Variants in MORC1 observed in about 807,000 individuals in gnomAD.
MORC1 encodes the protein MORC family CW-type zinc finger 1, also known as MORC family CW-type zinc finger protein 1.
In MORC1, 59 loss-of-function variants were observed where a neutral mutation model predicts 134.9. The ratio of observed to expected loss-of-function variants is 0.44; its 90% CI spans 0.35 to 0.54. The LOEUF is 0.54. Ranked by LOEUF, MORC1 falls within the 20% of genes least tolerant of loss-of-function variation. MORC1 has a pLI of 0.00. For missense variants in MORC1, 947 were observed against 1,134.5 expected (o/e 0.83, Z 2.37); for synonymous variants, 395 against 391.7 (o/e 1.01, Z -0.10).
At chr3:109,084,065 G>T (rs1950571986) in intron 8 of MORC1, among the ~76,000 whole-genome samples, 2 of 152,090 alleles carry the variant, frequency 1.3e-5, no homozygotes, top group South Asian at 4.1e-4. Context: ...ACTGAATGAG[G>T]AGAAATTGAA....
At chr3:109,020,702 T>C (rs1399223355) in intron 17 of MORC1, among the ~76,000 whole-genome samples, 1 of 147,816 alleles carries the variant, frequency 6.8e-6, no homozygotes, top group East Asian at 2.0e-4. Flanking sequence ...GGGGCAGAGC[T>C]TGCAGTGAGC....
intron 6 of MORC1, among the ~76,000 whole-genome samples, chr3:109,096,185 A>C (rs977919881): frequency 2.0e-5 from 3 of 152,242 alleles, no homozygotes; most frequent in African/African-American, 7.2e-5. Context: ...TTGGAAATTA[A>C]GAATATGATT....
At chr3:109,110,611 G>C in intron 3 of MORC1, 138 bp downstream of exon 3, 1 of 695,576 alleles carries the variant, frequency 1.4e-6, no homozygotes, top group Non-Finnish European at 2.4e-6. Context: ...CTCCCCACAG[G>C]GTCACTGTAC....
intron 8 of MORC1, among the ~76,000 whole-genome samples, chr3:109,079,606 C>T (rs1950488264): frequency 6.6e-6 from 1 of 151,768 alleles, no homozygotes; most frequent in Admixed American, 6.6e-5. Context: ...AAAAACAAAG[C>T]AAAGAAGCAT....
chr3:109,001,940 G>A (rs1948414410), intron 20 of MORC1, among the ~76,000 whole-genome samples: 1 of 152,142 alleles, frequency 6.6e-6, no homozygotes, highest in Non-Finnish European at 1.5e-5. Context: ...TTCAATTAAT[G>A]GAATCACCAT....
At chr3:108,972,295 T>C (rs1334130032) in intron 24 of MORC1, among the ~76,000 whole-genome samples, 2 of 152,196 alleles carry the variant, frequency 1.3e-5, no homozygotes, top group African/African-American at 4.8e-5. Flanking sequence ...TATAGTATTC[T>C]AATGCTGACG....
At chr3:108,993,364 A>T (rs918285725) in intron 21 of MORC1, among the ~76,000 whole-genome samples, 3 of 152,336 alleles carry the variant, frequency 2.0e-5, no homozygotes, top group Non-Finnish European at 4.4e-5. Context: ...GTTTTTCCTT[A>T]GATCAGGGAC....
chr3:109,032,575 A>C, intron 16 of MORC1, 145 bp downstream of exon 16: 1 of 589,958 alleles, frequency 1.7e-6, no homozygotes, highest in South Asian at 2.4e-5. Flanking sequence ...ATCTTTGCAC[A>C]GGTAGCAGGG....
chr3:109,116,931 G>A (rs1242967619), intron 1 of MORC1, among the ~76,000 whole-genome samples: 1 of 152,148 alleles, frequency 6.6e-6, no homozygotes, highest in Non-Finnish European at 1.5e-5. Context: ...GGTGGTTTGG[G>A]GGAATGGAGG....
At chr3:109,066,683 A>G (rs1263472228) in intron 9 of MORC1, among the ~76,000 whole-genome samples, 1 of 152,222 alleles carries the variant, frequency 6.6e-6, no homozygotes, top group Admixed American at 6.5e-5. Context: ...ACGCATTTGT[A>G]TAATAACAAC....
At chr3:109,016,029 A>G (rs995332221) in intron 17 of MORC1, among the ~76,000 whole-genome samples, 3 of 152,168 alleles carry the variant, frequency 2.0e-5, no homozygotes, top group Non-Finnish European at 2.9e-5. Context: ...TATACACCTC[A>G]TACACACAGT....
At chr3:109,105,952 C>T (rs533552316) in intron 3 of MORC1, among the ~76,000 whole-genome samples, 6 of 152,278 alleles carry the variant, frequency 3.9e-5, no homozygotes, top group African/African-American at 1.4e-4. Flanking sequence ...CATTCCTCCT[C>T]TCCCCCTTTA....
chr3:109,037,731 T>C (rs1325855557), intron 14 of MORC1, among the ~76,000 whole-genome samples: 1 of 152,240 alleles, frequency 6.6e-6, no homozygotes, highest in African/African-American at 2.4e-5. Flanking sequence ...CTCAGAATGA[T>C]AGTTTCTGGC....
chr3:109,103,231 C>A (rs920694605), intron 4 of MORC1, among the ~76,000 whole-genome samples: 2 of 152,104 alleles, frequency 1.3e-5, no homozygotes, highest in African/African-American at 4.8e-5. Flanking sequence ...AACCCAATGC[C>A]CTCAGATGGA....
Position 109,005,105 on chromosome 3 carries a change from G to A in MORC1, c.1978C>T (p.Leu660=). The A allele has an allele frequency of 6.2e-7, 1 of 1,612,354 alleles. No individual in the cohort carries two copies. The highest frequency in any genetic ancestry group is 1.1e-5 in the South Asian group (1 of 90,458). ...TCAGCTAGTTTGACATTTTCTGGCAGAGCTACTGGAATTCTCTGCTGTTGA... is the reference window on the plus strand; with the variant it reads ...TCAGCTAGTTTGACATTTTCTGGCAAAGCTACTGGAATTCTCTGCTGTTGA... ...NSQQQRIPVA[L]PENVKLAERS... Residue 660 remains leucine, a synonymous_variant, in exon 19 of 28, where the codon CTG becomes TTG. Transcript: ENST00000232603.
intron 21 of MORC1, among the ~76,000 whole-genome samples, chr3:108,999,760 C>A (rs1948346262): frequency 6.6e-6 from 1 of 152,016 alleles, no homozygotes; most frequent in Admixed American, 6.6e-5. Context: ...AGCTTCTTGG[C>A]AATCAAGGTA....
intron 21 of MORC1, among the ~76,000 whole-genome samples, chr3:108,990,898 TTCTCTCTC>T (rs34333221): frequency 2.6e-4 from 38 of 145,756 alleles, no homozygotes; most frequent in Non-Finnish European, 2.6e-4. Context: ...GTTTCTCTCT[TTCTCTCTC>T]TCTCTCTCTC....
At chr3:109,113,897 C>T (rs892420778) in intron 2 of MORC1, among the ~76,000 whole-genome samples, 2 of 152,200 alleles carry the variant, frequency 1.3e-5, no homozygotes, top group Non-Finnish European at 2.9e-5. Flanking sequence ...AATTTCCACA[C>T]ATGTAGAACT....
At chr3:108,979,815 C>T in intron 23 of MORC1, 148 bp from the exon 24 acceptor site, 1 of 783,162 alleles carries the variant, frequency 1.3e-6, no homozygotes, top group Non-Finnish European at 1.9e-6. Context: ...ACTGTAGTTA[C>T]ATGAAACAAA....
Sources: allele counts gnomAD v4.1 joint callset (sites outside exome capture counted in the v4.1 genomes callset), GRCh38; gene constraint gnomAD v4.1.1; transcripts MANE v1.5; gene names NCBI Gene and HGNC (gene_info 2026-07-23, HGNC 2026-07-21).